The following ABTB2 variants were observed in gnomAD, a reference collection of about 807,000 sequenced individuals.
ABTB2 encodes the protein ankyrin repeat and BTB/POZ domain-containing protein 2.
A neutral mutation model predicts 104.1 loss-of-function variants in ABTB2; 56 were observed. The ratio of observed to expected loss-of-function variants is 0.54; its 90% CI spans 0.43 to 0.67. The LOEUF is 0.67. Among genes scored for constraint, ABTB2 ranks in the 30% least tolerant of loss-of-function variants. ABTB2 has a pLI of 0.00. For synonymous variants in ABTB2, 606 were observed against 608.2 expected (o/e 1.00, Z 0.05); for missense variants, 1,279 against 1,407.7 (o/e 0.91, Z 1.46).
intron 16 of ABTB2, among the ~76,000 whole-genome samples, chr11:34,153,163 G>C (rs1305598357): frequency 6.6e-6 from 1 of 152,136 alleles, no homozygotes; most frequent in South Asian, 2.1e-4. Flanking sequence ...GATGAAGGGC[G>C]GGAAAGAGCT....
intron 3 of ABTB2, among the ~76,000 whole-genome samples, chr11:34,180,179 G>A (rs1306367272): frequency 6.6e-6 from 1 of 152,182 alleles, no homozygotes; most frequent in East Asian, 1.9e-4. Flanking sequence ...GCCTGCAAAA[G>A]TCTGCCAGCA....
intron 3 of ABTB2, among the ~76,000 whole-genome samples, 158 bp downstream of exon 3, chr11:34,197,167 A>C (rs1461577915): frequency 2.0e-5 from 3 of 152,070 alleles, no homozygotes; most frequent in Non-Finnish European, 4.4e-5. Context: ...GCAGGCCTTC[A>C]TCCATCGGAA....
intron 1 of ABTB2, among the ~76,000 whole-genome samples, chr11:34,314,802 T>C (rs1220272739): frequency 3.3e-5 from 5 of 152,192 alleles, no homozygotes; most frequent in African/African-American, 9.7e-5. Flanking sequence ...AAGGCAGTGA[T>C]AGCTGATCAT....
intron 1 of ABTB2, among the ~76,000 whole-genome samples, chr11:34,283,945 G>C (rs1266826359): frequency 6.6e-6 from 1 of 152,186 alleles, no homozygotes; most frequent in African/African-American, 2.4e-5. Context: ...GAGTTCTCCA[G>C]CTTCTTGGTA....
At chr11:34,350,659 A>G (rs562124059) in intron 1 of ABTB2, among the ~76,000 whole-genome samples, 1 of 152,128 alleles carries the variant, frequency 6.6e-6, no homozygotes, top group Non-Finnish European at 1.5e-5. Context: ...GGTCGTGAAC[A>G]CTCACTGGCC....
intron 1 of ABTB2, among the ~76,000 whole-genome samples, chr11:34,262,818 T>C (rs753530026): frequency 7.2e-5 from 11 of 152,178 alleles, no homozygotes; most frequent in Admixed American, 1.3e-4. Context: ...TTGTGGGCGA[T>C]TGTCACCTGC....
At position 34,152,244 on chromosome 11, in the gene ABTB2, G is replaced by GC; in HGVS notation, c.*142dup. ...AGGGCAGAGGAGATGAGGGTGAGCT[G>GC]CCCGGTGACAGGGGGGACATCTGGG... On this transcript the variant is annotated 3_prime_UTR_variant, in exon 17 of 17. Coordinates refer to ENST00000435224, the MANE Select transcript of ABTB2 (RefSeq NM_145804.3). 1.1e-6 allele frequency: 1 copy of GC among 896,790 alleles called. No individual in the cohort carries two copies. The allele number at this position is 896,790 out of a possible 1,614,324, so 55.6% of individuals were successfully genotyped here.
At chr11:34,281,636 T>C (rs997972602) in intron 1 of ABTB2, among the ~76,000 whole-genome samples, 4 of 152,208 alleles carry the variant, frequency 2.6e-5, no homozygotes, top group African/African-American at 7.2e-5. Flanking sequence ...AGATGATTCC[T>C]AAGAGTCATC....
chr11:34,179,222 G>A (rs772622750), intron 3 of ABTB2, among the ~76,000 whole-genome samples: 3 of 152,158 alleles, frequency 2.0e-5, no homozygotes, highest in Admixed American at 6.5e-5. Context: ...CCCATTTGCC[G>A]TCAGAGTGAT....
At chr11:34,315,436 T>C (rs118153388) in intron 1 of ABTB2, among the ~76,000 whole-genome samples, 1 of 152,174 alleles carries the variant, frequency 6.6e-6, no homozygotes, top group East Asian at 1.9e-4. Flanking sequence ...AAGCCCATCT[T>C]TGGGAGGTTT....
intron 1 of ABTB2, among the ~76,000 whole-genome samples, chr11:34,349,190 AG>A (rs1183827003): frequency 6.6e-6 from 1 of 152,210 alleles, no homozygotes; most frequent in Non-Finnish European, 1.5e-5. Context: ...TCTGTGGCTG[AG>A]GATTTGGCGG....
intron 14 of ABTB2, among the ~76,000 whole-genome samples, chr11:34,155,026 A>T (rs1354118961): frequency 6.6e-6 from 1 of 152,192 alleles, no homozygotes; most frequent in Non-Finnish European, 1.5e-5. Flanking sequence ...TACAATCCTC[A>T]TGAGAACACG....
At chr11:34,320,734 C>T (rs567101783) in intron 1 of ABTB2, among the ~76,000 whole-genome samples, 19 of 152,294 alleles carry the variant, frequency 1.2e-4, no homozygotes, top group African/African-American at 3.9e-4. Flanking sequence ...AACTTTATCT[C>T]CCCTGGGCAA....
At chr11:34,313,598 C>T (rs999270086) in intron 1 of ABTB2, among the ~76,000 whole-genome samples, 15 of 152,200 alleles carry the variant, frequency 9.9e-5, no homozygotes, top group African/African-American at 3.1e-4. Context: ...ATATCTCAAA[C>T]GCCCTGAGAG....
intron 3 of ABTB2, among the ~76,000 whole-genome samples, chr11:34,184,109 G>A (rs1590210170): frequency 6.7e-6 from 1 of 149,810 alleles, no homozygotes; most frequent in Admixed American, 6.7e-5. Context: ...GCGCAGGCTT[G>A]AGCTGCTGCG....
Position 34,172,793 on chromosome 11 carries a change from G to A in ABTB2, c.1397+362C>T, listed in dbSNP as rs139769567. ...GCTCACAGCACCTGCACCCAGGAAG[G>A]GCTCCATGTGGTGTCAATTACAGGA... On this transcript the variant is annotated intron_variant, in intron 4 of 16. Transcript: ENST00000435224. Among the ~76,000 whole-genome samples the A allele has an allele frequency of 2.2e-3, 341 of 152,288 alleles. 2 individuals are homozygous for A. The highest frequency in any genetic ancestry group is 7.9e-3 in the African/African-American group (328 of 41,556).
chr11:34,303,771 T>A (rs1230582575), intron 1 of ABTB2, among the ~76,000 whole-genome samples: 3 of 151,036 alleles, frequency 2.0e-5, no homozygotes, highest in Non-Finnish European at 4.4e-5. Context: ...GCTTCCCGAG[T>A]AGTTGGGATT....
At position 34,197,306 on chromosome 11, in the gene ABTB2, G is replaced by A; in HGVS notation, c.1244+19C>T. ...GGGAGCACGTCCCACCAGGTGCTCA[G>A]CCCAAGGAAGATCCCTACCGTTCAT... On this transcript the variant is annotated intron_variant, in intron 3 of 16. Transcript: ENST00000435224. The A allele has an allele frequency of 3.1e-6, 5 of 1,613,218 alleles. No individual in the cohort carries two copies. Among genetic ancestry groups the A allele is most frequent in the Non-Finnish European group, 4.2e-6 (5 of 1,179,202 alleles).
chr11:34,338,693 AC>A (rs1855224062), intron 1 of ABTB2, among the ~76,000 whole-genome samples: 1 of 152,162 alleles, frequency 6.6e-6, no homozygotes, highest in Non-Finnish European at 1.5e-5. Context: ...ACAGAGGGAG[AC>A]TTCCTCTCAA....
Sources: allele counts gnomAD v4.1 joint callset (sites outside exome capture counted in the v4.1 genomes callset), GRCh38; gene constraint gnomAD v4.1.1; transcripts MANE v1.5; gene names NCBI Gene and HGNC (gene_info 2026-07-23, HGNC 2026-07-21).